MTSS1: variants seen among roughly 807,000 people sequenced by gnomAD.
MTSS1 encodes protein MTSS 1.
MTSS1 carries 18 observed loss-of-function variants against 79.0 expected under a neutral mutation model. The ratio of observed to expected loss-of-function variants is 0.23; its 90% CI spans 0.16 to 0.34. MTSS1 has a LOEUF of 0.34. Ranked by LOEUF, MTSS1 falls within the 10% of genes least tolerant of loss-of-function variation. The pLI, the probability that MTSS1 is intolerant of heterozygous loss-of-function variation, is 1.00. For synonymous variants in MTSS1, 341 were observed against 368.6 expected (o/e 0.93, Z 0.86); for missense variants, 815 against 986.2 (o/e 0.83, Z 2.33).
rs187767291 is a variant in MTSS1 at position 124,640,896 on chromosome 8, T to C, written c.209-49661A>G. 2.6e-5 allele frequency among the ~76,000 whole-genome samples: 4 copies of C among 152,268 alleles called. No individual in the cohort carries two copies. The East Asian group carries it at 7.7e-4, about 29-fold the overall frequency. Reference sequence around the variant, plus strand: ...CCCCTCTTTATTTATACTGATTGTCTCAACCACACCTTAAACAACAGGAAT... The same window carrying C: ...CCCCTCTTTATTTATACTGATTGTCCCAACCACACCTTAAACAACAGGAAT... On this transcript the variant is annotated intron_variant, in intron 3 of 13. Transcript: ENST00000518547.
intron 1 of MTSS1, among the ~76,000 whole-genome samples, chr8:124,709,083 GA>G (rs1435910362): frequency 2.6e-5 from 4 of 152,098 alleles, no homozygotes; most frequent in African/African-American, 9.7e-5. Context: ...AAGCTTAGAG[GA>G]AGTAAGAAAG....
intron 3 of MTSS1, among the ~76,000 whole-genome samples, chr8:124,611,105 G>A (rs1373447551): frequency 2.9e-5 from 3 of 105,176 alleles, no homozygotes; most frequent in African/African-American, 5.1e-5. Context: ...CCACCAGACA[G>A]ACCCCCCCCC....
In MTSS1 at chr8:124,597,823, G is replaced by A. The variant is rs549122471; in HGVS notation, c.209-6588C>T. 2.6e-5 allele frequency among the ~76,000 whole-genome samples: 4 copies of A among 152,302 alleles called. No individual in the cohort carries two copies. The highest frequency in any genetic ancestry group is 3.9e-4 in the East Asian group (2 of 5,190). On this transcript the variant is annotated intron_variant, in intron 3 of 13. Coordinates refer to ENST00000518547, the MANE Select transcript of MTSS1 (RefSeq NM_014751.6). The surrounding 1 kb of genome is among the most constrained non-coding windows in gnomAD (Gnocchi z 4.6). ...CTGTTCCCGAGAGCTGACATTGCTCGAAGGCTAATTAGGAGCCAGACAGAA... is the reference window on the plus strand; with the variant it reads ...CTGTTCCCGAGAGCTGACATTGCTCAAAGGCTAATTAGGAGCCAGACAGAA...
chr8:124,553,921 C>T lies in MTSS1; in HGVS notation c.1568-229G>A, dbSNP rs1182993073. Among the ~76,000 whole-genome samples the T allele has an allele frequency of 6.6e-6, 1 of 152,136 alleles. No homozygotes were observed. Among genetic ancestry groups the T allele is most frequent in the Non-Finnish European group, 1.5e-5 (1 of 68,022 alleles). On this transcript the variant is annotated intron_variant, in intron 13 of 13. Transcript: ENST00000518547. This position sits in a 1 kb window ranked among gnomAD's most constrained non-coding sequence, Gnocchi z 6.0. The stretch of plus-strand genomic sequence containing the variant: ...CCCAAGTACCTAGAACAGTGCTGGA[C>T]ACGGTAGGCACTCAAATATCGTCAA...
intron 3 of MTSS1, among the ~76,000 whole-genome samples, chr8:124,642,147 A>C (rs1300075210): frequency 6.6e-6 from 1 of 152,244 alleles, no homozygotes; most frequent in East Asian, 1.9e-4. Context: ...TTCACTGAGA[A>C]GATATTTAAA....
At chr8:124,678,562 C>T (rs1017907289) in intron 3 of MTSS1, among the ~76,000 whole-genome samples, 1 of 152,158 alleles carries the variant, frequency 6.6e-6, no homozygotes, top group African/African-American at 2.4e-5. Flanking sequence ...AGAGGAACTG[C>T]CCTTTATCAA....
intron 3 of MTSS1, among the ~76,000 whole-genome samples, chr8:124,670,176 T>G (rs939824033): frequency 6.6e-6 from 1 of 152,072 alleles, no homozygotes; most frequent in African/African-American, 2.4e-5. Flanking sequence ...GGGAGGAGGA[T>G]GGGGTATTTT....
intron 3 of MTSS1, among the ~76,000 whole-genome samples, chr8:124,632,587 T>C (rs113435291): frequency 0.028 from 4,271 of 152,234 alleles, 173 homozygotes; most frequent in African/African-American, 0.097. Flanking sequence ...CAGGCATCAA[T>C]GGCCTCAATA....
At chr8:124,676,143 C>T (rs566149474) in intron 3 of MTSS1, among the ~76,000 whole-genome samples, 3 of 152,032 alleles carry the variant, frequency 2.0e-5, no homozygotes, top group African/African-American at 7.2e-5. Context: ...GCACATGAAG[C>T]GTTTGTGAAG....
Position 124,670,373 on chromosome 8 carries a change from GCGGCACCCCACACAGCC to G in MTSS1, c.208+29136_208+29152del, listed in dbSNP as rs1364457408. Among the ~76,000 whole-genome samples, 184 of 110,790 alleles carry G rather than the reference GCGGCACCCCACACAGCC, an allele frequency of 1.7e-3. 2 individuals carry two copies. Among genetic ancestry groups the G allele is most frequent in the African/African-American group, 8.0e-3 (176 of 22,038 alleles). 72.7% of individuals were successfully genotyped at this position (110,790 alleles called of 152,430 possible). ...GGCAAAGGAGATTACACTCAGGCGG[GCGGCACCCCACACAGCC>G]TGGCGGCACCCCACACAGCCTGGCG... On this transcript the variant is annotated intron_variant, in intron 3 of 13. Coordinates refer to ENST00000518547, the MANE Select transcript of MTSS1 (RefSeq NM_014751.6).
intron 3 of MTSS1, among the ~76,000 whole-genome samples, chr8:124,601,612 T>C (rs530780787): frequency 2.0e-4 from 31 of 152,328 alleles, no homozygotes; most frequent in Admixed American, 6.5e-4. Context: ...AAGTCCTAAA[T>C]TGGCAGGGGT....
chr8:124,596,511 G>C (rs1420592580), intron 3 of MTSS1, among the ~76,000 whole-genome samples: 2 of 152,162 alleles, frequency 1.3e-5, no homozygotes, highest in Non-Finnish European at 2.9e-5. Flanking sequence ...AACCATCCAG[G>C]GGCTGGGCTG....
intron 3 of MTSS1, among the ~76,000 whole-genome samples, chr8:124,653,786 C>T (rs1820453202): frequency 6.6e-6 from 1 of 152,200 alleles, no homozygotes; most frequent in Non-Finnish European, 1.5e-5. Context: ...ATTTACTTTG[C>T]ATAAAAATAT....
chr8:124,626,325 A>G (rs1303503010), intron 3 of MTSS1, among the ~76,000 whole-genome samples: 1 of 152,204 alleles, frequency 6.6e-6, no homozygotes, highest in Admixed American at 6.5e-5. Flanking sequence ...CTTTTCTGCC[A>G]GGATGCTTGA....
At chr8:124,665,879 A>C (rs1357724198) in intron 3 of MTSS1, among the ~76,000 whole-genome samples, 1 of 151,974 alleles carries the variant, frequency 6.6e-6, no homozygotes, top group Non-Finnish European at 1.5e-5. Context: ...AAAAAAAAAA[A>C]AAAAAAATCT....
At chr8:124,611,105 G>T (rs1373447551) in intron 3 of MTSS1, among the ~76,000 whole-genome samples, 3 of 105,242 alleles carry the variant, frequency 2.9e-5, no homozygotes, top group Admixed American at 2.0e-4. Flanking sequence ...CCACCAGACA[G>T]ACCCCCCCCC....
intron 3 of MTSS1, among the ~76,000 whole-genome samples, chr8:124,633,877 C>T (rs1816498593): frequency 6.6e-6 from 1 of 151,952 alleles, no homozygotes; most frequent in South Asian, 2.1e-4. Context: ...TCTAGAAGTG[C>T]TTTCCCAAAA....
chr8:124,648,713 C>CCCCT (rs200781680), intron 3 of MTSS1, among the ~76,000 whole-genome samples: 1 of 151,458 alleles, frequency 6.6e-6, no homozygotes, highest in African/African-American at 2.5e-5. Flanking sequence ...ATAGCAGCCC[C>CCCCT]CCCCCAGATA....
chr8:124,657,879 A>G (rs528519264), intron 3 of MTSS1, among the ~76,000 whole-genome samples: 1 of 152,298 alleles, frequency 6.6e-6, no homozygotes, highest in African/African-American at 2.4e-5. Flanking sequence ...CTCCCCCAAA[A>G]TTCTCATGTT....
Sources: gnomAD v4.1 joint callset for allele counts (sites outside exome capture counted in the v4.1 genomes callset) on GRCh38, gnomAD v4.1.1 for gene constraint, Gnocchi (gnomAD v3.1) non-coding constraint, MANE v1.5 for transcripts, NCBI Gene and HGNC (gene_info 2026-07-23, HGNC 2026-07-21) for gene names.